Variants in HNRNPLL observed in about 807,000 individuals in gnomAD.
HNRNPLL encodes the protein heterogeneous nuclear ribonucleoprotein L-like.
In HNRNPLL, 25 loss-of-function variants were observed where a neutral mutation model predicts 67.1. The ratio of observed to expected loss-of-function variants is 0.37; its 90% CI spans 0.27 to 0.52. The LOEUF is 0.52. Ranked by LOEUF, HNRNPLL falls within the 20% of genes least tolerant of loss-of-function variation. HNRNPLL has a pLI of 0.90. For missense variants in HNRNPLL, 542 were observed against 673.9 expected (o/e 0.80, Z 2.17); for synonymous variants, 267 against 241.7 (o/e 1.10, Z -0.97).
intron 2 of HNRNPLL, among the ~76,000 whole-genome samples, chr2:38,586,504 A>C (rs1666739614): frequency 6.6e-6 from 1 of 152,240 alleles, no homozygotes; most frequent in Non-Finnish European, 1.5e-5. Flanking sequence ...TTTCAAAGAC[A>C]TAGAAACCAA....
In HNRNPLL at chr2:38,563,993, TTAAAA is replaced by T. The variant is rs1367777576; in HGVS notation, c.*184_*188del. 4 of 548,536 alleles carry T rather than the reference TTAAAA, an allele frequency of 7.3e-6. No individual in the cohort carries two copies. The highest frequency in any genetic ancestry group is 1.3e-5 in the Non-Finnish European group (4 of 308,476). The allele number at this position is 548,536 out of a possible 1,614,324, so 34.0% of individuals were successfully genotyped here. ...ATAGTCTACATTATGATATTCTATC[TTAAAA>T]TGAAAACAATTCAATATTTAAGCTT... is the stretch of plus-strand genomic sequence containing the variant. On this transcript the variant is annotated 3_prime_UTR_variant, in exon 13 of 13. Coordinates refer to ENST00000449105, the MANE Select transcript of HNRNPLL (RefSeq NM_138394.4).
chr2:38,582,500 C>T (rs1385976921), intron 4 of HNRNPLL, among the ~76,000 whole-genome samples: 2 of 152,022 alleles, frequency 1.3e-5, no homozygotes, highest in Non-Finnish European at 2.9e-5. Flanking sequence ...TTAGTAGATA[C>T]GGGGTTTCAC....
intron 6 of HNRNPLL, 113 bp from the exon 7 acceptor site, chr2:38,577,645 T>C (rs1666352242): frequency 2.9e-6 from 2 of 686,494 alleles, no homozygotes; most frequent in Admixed American, 2.3e-5. Context: ...ATAAAAGAAA[T>C]ACGATTCCTG....
chr2:38,567,227 C>A (rs539517998), intron 12 of HNRNPLL, among the ~76,000 whole-genome samples: 1 of 152,292 alleles, frequency 6.6e-6, no homozygotes, highest in African/African-American at 2.4e-5. Flanking sequence ...CTCAGCCTCC[C>A]AAGTAGCTGA....
chr2:38,574,121 T>A (rs1666204971), intron 7 of HNRNPLL, among the ~76,000 whole-genome samples: 1 of 152,058 alleles, frequency 6.6e-6, no homozygotes, highest in South Asian at 2.1e-4. Flanking sequence ...CTATGTCTCT[T>A]ACATTGAGAA....
Position 38,600,242 on chromosome 2 carries a change from A to G in HNRNPLL, c.189+2196T>C, listed in dbSNP as rs142580680. On this transcript the variant is annotated intron_variant, in intron 1 of 12. Coordinates refer to ENST00000449105, the MANE Select transcript of HNRNPLL (RefSeq NM_138394.4). ...CTAGGAAACATATCAGCAGTAAGATAAACAAAAAAATTAAAATTTATACCT... is the reference window on the plus strand; with the variant it reads ...CTAGGAAACATATCAGCAGTAAGATGAACAAAAAAATTAAAATTTATACCT... Among the ~76,000 whole-genome samples the G allele has an allele frequency of 6.0e-3, 911 of 152,298 alleles. 5 individuals carry two copies. Among genetic ancestry groups the G allele is most frequent in the African/African-American group, 0.021 (867 of 41,568 alleles).
chr2:38,594,220 G>A (rs1667083648), intron 1 of HNRNPLL, among the ~76,000 whole-genome samples: 1 of 152,062 alleles, frequency 6.6e-6, no homozygotes, highest in Admixed American at 6.6e-5. Context: ...ACCAAATGCT[G>A]TATGTGAGCC....
chr2:38,578,014 G>A (rs1354432655), intron 6 of HNRNPLL: 1 of 470,548 alleles, frequency 2.1e-6, no homozygotes, highest in Non-Finnish European at 4.4e-6. Flanking sequence ...TGTATTACAT[G>A]GTTTCACAAT....
At chr2:38,601,302 T>C (rs1485676540) in intron 1 of HNRNPLL, among the ~76,000 whole-genome samples, 1 of 152,206 alleles carries the variant, frequency 6.6e-6, no homozygotes, top group Non-Finnish European at 1.5e-5. Flanking sequence ...GACCAGCCTT[T>C]TTTTTTATTA....
In HNRNPLL at chr2:38,564,157, T is replaced by C; in HGVS notation, c.*25A>G. On this transcript the variant is annotated 3_prime_UTR_variant, in exon 13 of 13. Transcript: ENST00000449105. ...TTTGAAATTGTAATAAAGGTGAACATAAATTCTAACATGCTCTTCTCTTCT... is the reference window on the plus strand; with the variant it reads ...TTTGAAATTGTAATAAAGGTGAACACAAATTCTAACATGCTCTTCTCTTCT... 1.4e-6 allele frequency: 2 copies of C among 1,385,594 alleles called. No individual in the cohort carries two copies. The highest frequency in any genetic ancestry group is 1.0e-6 in the Non-Finnish European group (1 of 975,452). 85.8% of individuals were successfully genotyped at this position (1,385,594 alleles called of 1,614,324 possible).
intron 6 of HNRNPLL, 75 bp downstream of exon 6, chr2:38,581,838 A>G: frequency 1.1e-6 from 1 of 942,858 alleles, no homozygotes. Context: ...AGCTCATCTC[A>G]GGAAAAAAGA....
chr2:38,601,772 C>T (rs983280220), intron 1 of HNRNPLL: 10 of 152,136 alleles, frequency 6.6e-5, no homozygotes, highest in Non-Finnish European at 1.3e-4. Flanking sequence ...AGGGGTGTAC[C>T]AACAGCTGCC....
intron 2 of HNRNPLL, among the ~76,000 whole-genome samples, chr2:38,587,769 C>T (rs1010229007): frequency 6.6e-6 from 1 of 152,128 alleles, no homozygotes; most frequent in Admixed American, 6.5e-5. Context: ...TATGGTGTGG[C>T]TCTGTGTCCC....
chr2:38,594,654 TA>T (rs2148383069), intron 1 of HNRNPLL, among the ~76,000 whole-genome samples: 1 of 152,198 alleles, frequency 6.6e-6, no homozygotes, highest in East Asian at 1.9e-4. Context: ...AGAACTTTAT[TA>T]AAAATACCCA....
intron 12 of HNRNPLL, among the ~76,000 whole-genome samples, chr2:38,564,778 C>G (rs7584547): frequency 0.23 from 35,306 of 151,528 alleles, 4,492 homozygotes; most frequent in African/African-American, 0.33. Flanking sequence ...TTAGTGAATT[C>G]ATCATTAAAG....
chr2:38,583,851 C>T lies in HNRNPLL; in HGVS notation c.622G>A (p.Ala208Thr). Residue 208 changes from alanine to threonine, a missense_variant, in exon 4 of 13, where the codon GCA (alanine) becomes ACA (threonine). By Grantham distance (58) the Ala-to-Thr change is moderately conservative. Transcript: ENST00000449105. The stretch of plus-strand genomic sequence containing the variant: ...ACAAATAAAGGATATTCAACCATTG[C>T]TTGTATCCCATTTCTCTTGAATATA... ...IVIFKRNGIQ[A>T]MVEFESVLCA... 6.6e-7 allele frequency: 1 copy of T among 1,510,452 alleles called. No homozygotes were observed. The highest frequency in any genetic ancestry group is 9.1e-7 in the Non-Finnish European group (1 of 1,095,798). The allele number at this position is 1,510,452 out of a possible 1,614,324, so 93.6% of individuals were successfully genotyped here. A position where few individuals can be genotyped will look rare whatever the true frequency, so the allele number is the denominator to read the frequency against.
chr2:38,571,690 T>C (rs1198807408), intron 8 of HNRNPLL, among the ~76,000 whole-genome samples: 1 of 152,126 alleles, frequency 6.6e-6, no homozygotes, highest in Non-Finnish European at 1.5e-5. Context: ...AAATATGTGG[T>C]TCTTGTATTG....
At position 38,573,374 on chromosome 2, in the gene HNRNPLL, C is replaced by G. The variant is rs1391138553; in HGVS notation, c.928G>C (p.Asp310His). The G allele has an allele frequency of 6.2e-7, 1 of 1,612,306 alleles. No individual in the cohort carries two copies. The highest frequency in any genetic ancestry group is 1.1e-5 in the South Asian group (1 of 90,872). The stretch of plus-strand genomic sequence containing the variant: ...GGATAAGCAACAAGTTCAGGTGTAT[C>G]TCGAGAGCCCATTCTGTAACGACTT... ...LPSRYRMGSR[D>H]TPELVAYPLP... Residue 310 changes from aspartate (D) to histidine (H), a missense_variant, in exon 8 of 13, where the codon GAT becomes CAT. Asp to His is a moderately conservative substitution (Grantham distance 81, BLOSUM62 -1). Around this residue, in one of 2 missense-constraint regions of HNRNPLL, gnomAD observed 415 missense variants for 575.2 expected, o/e 0.72. Transcript: ENST00000449105.
chr2:38,602,722 C>T lies in HNRNPLL; in HGVS notation c.-96G>A. 6.9e-7 allele frequency: 1 copy of T among 1,447,554 alleles called. No homozygotes were observed. Among genetic ancestry groups the T allele is most frequent in the Non-Finnish European group, 9.1e-7 (1 of 1,101,906 alleles). 89.7% of individuals were successfully genotyped at this position (1,447,554 alleles called of 1,614,324 possible). A position where few individuals can be genotyped will look rare whatever the true frequency, so the allele number is the denominator to read the frequency against. On this transcript the variant is annotated 5_prime_UTR_variant, in exon 1 of 13. Coordinates refer to ENST00000449105, the MANE Select transcript of HNRNPLL (RefSeq NM_138394.4). ...GGCCAGTCCTCGCCGCCGGCAGCGC[C>T]TCTTCTGCGAGGGTCTCCGCGGCCC...
Sources: gnomAD v4.1 joint callset for allele counts (sites outside exome capture counted in the v4.1 genomes callset) on GRCh38, gnomAD v4.1.1 for gene constraint, gnomAD v4.1.1 regional missense constraint, MANE v1.5 for transcripts, NCBI Gene and HGNC (gene_info 2026-07-23, HGNC 2026-07-21) for gene names.